GABRA3: variants seen among roughly 807,000 people sequenced by gnomAD.
GABRA3 encodes gamma-aminobutyric acid type A receptor subunit alpha3, also known as gamma-aminobutyric acid receptor subunit alpha-3.
A neutral mutation model predicts 30.1 loss-of-function variants in GABRA3; 10 were observed. That is an observed-to-expected ratio of 0.33 (90% CI 0.20 to 0.56). GABRA3 has a LOEUF of 0.56. Ranked by LOEUF, GABRA3 falls within the 20% of genes least tolerant of loss-of-function variation. GABRA3 has a pLI of 0.89. For missense variants in GABRA3, 233 were observed against 392.0 expected, an observed-to-expected ratio of 0.59 and a Z score of 3.42; for synonymous variants, 151 against 146.8, an observed-to-expected ratio of 1.03 and a Z score of -0.21.
intron 1 of GABRA3, among the ~76,000 whole-genome samples, chrX:152,405,071 A>G (rs1224406300): frequency 9.2e-6 from 1 of 108,833 alleles, no homozygotes; most frequent in East Asian, 2.9e-4. Context: ...GAGGCATTGA[A>G]GAGGATAAGA....
At chrX:152,444,728 T>C (rs1260627136) in intron 1 of GABRA3, among the ~76,000 whole-genome samples, 1 of 22,354 alleles carries the variant, frequency 4.5e-5, no homozygotes, top group East Asian at 2.8e-3. Context: ...TATATAATAC[T>C]TGTGTGTTTT....
At chrX:152,278,892 G>T (rs1939142571) in intron 4 of GABRA3, among the ~76,000 whole-genome samples, 1 of 111,923 alleles carries the variant, frequency 8.9e-6, no homozygotes, top group East Asian at 2.8e-4. Flanking sequence ...GTGTCTTTTG[G>T]CTGCATAAAT....
chrX:152,260,660 C>A (rs965448334), intron 4 of GABRA3, among the ~76,000 whole-genome samples: 1 of 111,802 alleles, frequency 8.9e-6, no homozygotes, highest in Non-Finnish European at 1.9e-5. Context: ...TAAAAGACTG[C>A]AAGAACCACA....
intron 3 of GABRA3, among the ~76,000 whole-genome samples, chrX:152,329,517 G>A (rs1940126861): frequency 9.0e-6 from 1 of 111,606 alleles, no homozygotes; most frequent in Non-Finnish European, 1.9e-5. Context: ...CAACGGATCA[G>A]AACACAGCCC....
At chrX:152,217,501 A>G (rs1168385027) in intron 6 of GABRA3, among the ~76,000 whole-genome samples, 1 of 111,498 alleles carries the variant, frequency 9.0e-6, no homozygotes, top group African/African-American at 3.2e-5. Context: ...TTCCCCTTCT[A>G]TATTTTGGAA....
chrX:152,450,544 G>C (rs778473333), intron 1 of GABRA3, among the ~76,000 whole-genome samples: 3 of 109,738 alleles, frequency 2.7e-5, no homozygotes, highest in Non-Finnish European at 3.8e-5. Context: ...TCAAAGGAAG[G>C]GGGGAGGGCT....
chrX:152,237,348 G>A (rs1304543056), intron 5 of GABRA3, among the ~76,000 whole-genome samples: 214 of 106,690 alleles, frequency 2.0e-3, no homozygotes, highest in African/African-American at 7.1e-3. Context: ...CTGTTCCATT[G>A]ATCTATATCT....
At chrX:152,316,071 AGT>A (rs1167321292) in intron 3 of GABRA3, among the ~76,000 whole-genome samples, 3 of 101,877 alleles carry the variant, frequency 2.9e-5, no homozygotes, top group Non-Finnish European at 5.9e-5. Context: ...GCACAAAATT[AGT>A]GTGTTAAACA....
At chrX:152,335,738 CAG>C (rs1313366188) in intron 3 of GABRA3, among the ~76,000 whole-genome samples, 1 of 110,993 alleles carries the variant, frequency 9.0e-6, no homozygotes, top group Non-Finnish European at 1.9e-5. Flanking sequence ...TCTTTTTTTT[CAG>C]AGACTGAGTC....
intron 3 of GABRA3, among the ~76,000 whole-genome samples, chrX:152,290,356 G>C (rs1439729217): frequency 3.6e-5 from 4 of 111,115 alleles, no homozygotes; most frequent in Non-Finnish European, 7.6e-5. Context: ...TTTTTGATGG[G>C]GTTGTTTGTT....
chrX:152,420,916 G>A (rs1004494569), intron 1 of GABRA3, among the ~76,000 whole-genome samples: 7 of 110,042 alleles, frequency 6.4e-5, no homozygotes, highest in East Asian at 2.9e-4. Flanking sequence ...GGATCCTGTC[G>A]CCCTGTGAAA....
At chrX:152,214,193 A>ATT (rs1382800183) in intron 6 of GABRA3, among the ~76,000 whole-genome samples, 3 of 111,612 alleles carry the variant, frequency 2.7e-5, no homozygotes, top group Non-Finnish European at 5.7e-5. Flanking sequence ...TTTATGAGCT[A>ATT]TATCACTTAG....
intron 1 of GABRA3, among the ~76,000 whole-genome samples, chrX:152,426,770 A>G (rs957777942): frequency 2.7e-5 from 3 of 112,297 alleles, no homozygotes; most frequent in Admixed American, 1.9e-4. Flanking sequence ...AAATGATAAG[A>G]GCAAATATAT....
At chrX:152,330,687 C>T (rs1300306645) in intron 3 of GABRA3, among the ~76,000 whole-genome samples, 4 of 87,356 alleles carry the variant, frequency 4.6e-5, no homozygotes, top group South Asian at 6.4e-4. Flanking sequence ...CATCACACAC[C>T]GGGACCTGTC....
At chrX:152,200,225 AT>A (rs1937464727) in intron 7 of GABRA3, among the ~76,000 whole-genome samples, 1 of 111,261 alleles carries the variant, frequency 9.0e-6, no homozygotes, top group Non-Finnish European at 1.9e-5. Flanking sequence ...AGAGCTTCTT[AT>A]TTTTCACCTC....
At chrX:152,208,171 G>A in intron 6 of GABRA3, 27 bp from the exon 7 acceptor site, 1 of 1,189,425 alleles carries the variant, frequency 8.4e-7, no homozygotes, top group East Asian at 3.0e-5. Flanking sequence ...TCAATAAAGA[G>A]AAGTTGAAGG....
intron 5 of GABRA3, among the ~76,000 whole-genome samples, chrX:152,233,947 C>A (rs2124391420): frequency 9.5e-6 from 1 of 104,763 alleles, no homozygotes; most frequent in African/African-American, 3.5e-5. Context: ...ATTGCAAGCA[C>A]AAAAAACCAA....
chrX:152,318,782 T>C (rs1402122423), intron 3 of GABRA3, among the ~76,000 whole-genome samples: 1 of 111,794 alleles, frequency 8.9e-6, no homozygotes, highest in African/African-American at 3.2e-5. Context: ...GGAAGAGCAC[T>C]TGACAAAATC....
intron 5 of GABRA3, among the ~76,000 whole-genome samples, chrX:152,225,637 A>T (rs748470119): frequency 5.4e-5 from 6 of 110,177 alleles, no homozygotes; most frequent in African/African-American, 9.9e-5. Context: ...TTCCCCTGCA[A>T]TAGTCTCTCT....
Sources: allele counts gnomAD v4.1 joint callset (sites outside exome capture counted in the v4.1 genomes callset), GRCh38; gene constraint gnomAD v4.1.1; transcripts MANE v1.5; gene names NCBI Gene and HGNC (gene_info 2026-07-23, HGNC 2026-07-21).